COL4A2: variants seen among roughly 807,000 people sequenced by gnomAD.
COL4A2 encodes the protein collagen type IV alpha 2 chain, also known as collagen alpha-2(IV) chain.
COL4A2 carries 99 observed loss-of-function variants against 200.2 expected under a neutral mutation model. The ratio of observed to expected loss-of-function variants is 0.49; its 90% confidence interval spans 0.42 to 0.58. The LOEUF (loss-of-function observed/expected upper bound fraction) is 0.58. Among genes scored for constraint, COL4A2 ranks in the 20% least tolerant of loss-of-function variants. COL4A2 has a pLI of 0.00. For missense variants in COL4A2, 1,950 were observed against 2,314.1 expected (o/e 0.84, Z 3.23); for synonymous variants, 897 against 900.6 (o/e 1.00, Z 0.07).
intron 19 of COL4A2, 31 bp from the exon 20 acceptor site, chr13:110,450,274 C>T (rs1221045888): frequency 8.7e-6 from 14 of 1,600,274 alleles, no homozygotes; most frequent in Non-Finnish European, 1.1e-5. Context: ...ATGGGAGACT[C>T]ACGCTGCAGG....
At chr13:110,363,270 C>A (rs953366689) in intron 4 of COL4A2, among the ~76,000 whole-genome samples, 1 of 152,142 alleles carries the variant, frequency 6.6e-6, no homozygotes, top group South Asian at 2.1e-4. Flanking sequence ...TGGAAGGTTG[C>A]GATTGACAAG....
At chr13:110,308,502 C>T (rs1375752226) in intron 3 of COL4A2, among the ~76,000 whole-genome samples, 1 of 152,066 alleles carries the variant, frequency 6.6e-6, no homozygotes, top group African/African-American at 2.4e-5. Flanking sequence ...TCCTGGAACT[C>T]GGGAGCTGGT....
intron 4 of COL4A2, among the ~76,000 whole-genome samples, chr13:110,358,321 C>G (rs917054383): frequency 2.0e-5 from 3 of 152,200 alleles, no homozygotes; most frequent in Admixed American, 1.3e-4. Flanking sequence ...CACATCTTGT[C>G]CCACCAGAAG....
At chr13:110,322,343 C>T (rs1566472404) in intron 3 of COL4A2, among the ~76,000 whole-genome samples, 1 of 152,148 alleles carries the variant, frequency 6.6e-6, no homozygotes, top group Non-Finnish European at 1.5e-5. Flanking sequence ...AGTTGGTTTC[C>T]TCTGGGACAG....
chr13:110,355,423 G>T (rs1287858084), intron 3 of COL4A2, among the ~76,000 whole-genome samples: 9 of 113,814 alleles, frequency 7.9e-5, no homozygotes, highest in African/African-American at 1.4e-4. Context: ...GTGTGTGGGG[G>T]AGGGCTGTAC....
At chr13:110,477,527 A>C (rs925372196) in intron 29 of COL4A2, among the ~76,000 whole-genome samples, 1 of 152,232 alleles carries the variant, frequency 6.6e-6, no homozygotes, top group African/African-American at 2.4e-5. Context: ...TAAACATAGC[A>C]AAAAAAGAAA....
intron 45 of COL4A2, among the ~76,000 whole-genome samples, chr13:110,505,508 G>C (rs1371128991): frequency 6.6e-6 from 1 of 152,142 alleles, no homozygotes; most frequent in Non-Finnish European, 1.5e-5. Flanking sequence ...GCCCGCCCAG[G>C]GTAGGAGACA....
intron 36 of COL4A2, among the ~76,000 whole-genome samples, chr13:110,490,753 C>T (rs544914043): frequency 2.0e-5 from 3 of 152,316 alleles, no homozygotes; most frequent in South Asian, 2.1e-4. Flanking sequence ...CATTACCACG[C>T]GTCTCTAATG....
chr13:110,382,303 T>A (rs1358036638), intron 4 of COL4A2, among the ~76,000 whole-genome samples: 1 of 152,198 alleles, frequency 6.6e-6, no homozygotes, highest in East Asian at 1.9e-4. Flanking sequence ...TTAGAATAAA[T>A]TCTTTCCACA....
Position 110,445,702 on chromosome 13 carries a change from C to A in COL4A2, c.958-127C>A. 3 of 1,243,946 alleles carry A rather than the reference C, an allele frequency of 2.4e-6. No individual in the cohort carries two copies. In the East Asian group the frequency reaches 7.2e-5, roughly 30 times the overall value. 77.1% of individuals were successfully genotyped at this position (1,243,946 alleles called of 1,614,324 possible). A position where few individuals can be genotyped will look rare whatever the true frequency, so the allele number is the denominator to read the frequency against. ...GACCCAAGTCAGGGAAAATTGAGCA[C>A]AGACTGGGTTAATACATGACTTTAA... On this transcript the variant is annotated intron_variant, in intron 16 of 47. Coordinates refer to ENST00000360467, the MANE Select transcript of COL4A2 (RefSeq NM_001846.4).
At chr13:110,438,978 G>A (rs1881022436) in intron 15 of COL4A2, among the ~76,000 whole-genome samples, 2 of 152,226 alleles carry the variant, frequency 1.3e-5, no homozygotes, top group South Asian at 4.1e-4. Flanking sequence ...TTCTGGTTGT[G>A]TGTGTTCAGC....
chr13:110,436,825 T>A (rs922690379), intron 13 of COL4A2, among the ~76,000 whole-genome samples: 1 of 152,192 alleles, frequency 6.6e-6, no homozygotes, highest in Non-Finnish European at 1.5e-5. Context: ...AACATTTTGC[T>A]TAATTGAAAT....
chr13:110,352,583 A>T (rs1877010611), intron 3 of COL4A2, among the ~76,000 whole-genome samples: 1 of 152,186 alleles, frequency 6.6e-6, no homozygotes, highest in African/African-American at 2.4e-5. Flanking sequence ...AGCGTGGATG[A>T]AGGACCTCCC....
intron 4 of COL4A2, among the ~76,000 whole-genome samples, chr13:110,422,339 ACT>A (rs1294720831): frequency 6.6e-6 from 1 of 152,236 alleles, no homozygotes; most frequent in African/African-American, 2.4e-5. Context: ...GTAGGAAACC[ACT>A]AAGCATTGGA....
intron 34 of COL4A2, 31 bp downstream of exon 34, chr13:110,485,867 T>C (rs1314698357): frequency 6.2e-7 from 1 of 1,609,210 alleles, no homozygotes; most frequent in Admixed American, 1.7e-5. Context: ...CCCCTTGTTC[T>C]GTGAGCTCCT....
At chr13:110,351,285 G>A (rs1391107562) in intron 3 of COL4A2, among the ~76,000 whole-genome samples, 1 of 152,082 alleles carries the variant, frequency 6.6e-6, no homozygotes. Context: ...TTGTTACCCA[G>A]GCTGGTCTTG....
chr13:110,480,717 G>A (rs537035514), intron 31 of COL4A2, among the ~76,000 whole-genome samples: 1 of 152,378 alleles, frequency 6.6e-6, no homozygotes, highest in Non-Finnish European at 1.5e-5. Context: ...CCACTCAGGG[G>A]CCTAGATTCA....
intron 29 of COL4A2, chr13:110,473,438 C>T (rs767042148): frequency 8.0e-6 from 3 of 377,078 alleles, no homozygotes; most frequent in East Asian, 4.5e-5. Context: ...TGACAGGGGC[C>T]GTGACAGGCT....
At chr13:110,497,340 A>G (rs1228380668) in intron 40 of COL4A2, among the ~76,000 whole-genome samples, 1 of 151,066 alleles carries the variant, frequency 6.6e-6, no homozygotes, top group Non-Finnish European at 1.5e-5. Flanking sequence ...TCAGTACACC[A>G]GCACAGCTTC....
Sources: gnomAD v4.1 joint callset for allele counts (sites outside exome capture counted in the v4.1 genomes callset) on GRCh38, gnomAD v4.1.1 for gene constraint, MANE v1.5 for transcripts, NCBI Gene and HGNC (gene_info 2026-07-23, HGNC 2026-07-21) for gene names.